Variants in KIAA1328 observed in about 807,000 individuals in gnomAD.
KIAA1328 encodes KIAA1328.
A neutral mutation model predicts 68.1 loss-of-function variants in KIAA1328; 52 were observed. That is an observed-to-expected ratio of 0.76 (90% confidence interval 0.61 to 0.96). The LOEUF (loss-of-function observed/expected upper bound fraction) is 0.96. Ranked by LOEUF, KIAA1328 falls within the 40% of genes least tolerant of loss-of-function variation. The probability of loss-of-function intolerance (pLI) is 0.00; values close to 1 mark genes in which losing one functional copy is unlikely to be tolerated. For synonymous variants in KIAA1328, 232 were observed against 239.4 expected (o/e 0.97, Z 0.28); for missense variants, 641 against 677.6 (o/e 0.95, Z 0.60).
chr18:37,157,916 ATTTGC>A (rs1331542550), intron 7 of KIAA1328, among the ~76,000 whole-genome samples: 1 of 151,552 alleles, frequency 6.6e-6, no homozygotes, highest in African/African-American at 2.4e-5. Flanking sequence ...ATAGAATGAT[ATTTGC>A]TTTCAGTTTT....
chr18:36,946,231 C>T (rs895954582), intron 5 of KIAA1328: 1 of 152,072 alleles, frequency 6.6e-6, no homozygotes, highest in African/African-American at 2.4e-5. Flanking sequence ...TATATGCTTC[C>T]TTCCAAAACA....
intron 4 of KIAA1328, among the ~76,000 whole-genome samples, chr18:36,873,528 G>A (rs72885302): frequency 0.14 from 20,707 of 152,054 alleles, 1,755 homozygotes; most frequent in Admixed American, 0.18. Flanking sequence ...ACTAGATCAA[G>A]GCTATACTTG....
intron 5 of KIAA1328, among the ~76,000 whole-genome samples, chr18:36,907,688 T>C (rs1389256802): frequency 1.3e-5 from 2 of 152,198 alleles, no homozygotes; most frequent in East Asian, 3.8e-4. Flanking sequence ...AATTTTTGCT[T>C]AATGAGAGAC....
intron 6 of KIAA1328, among the ~76,000 whole-genome samples, chr18:36,996,278 A>G (rs1430461916): frequency 6.6e-6 from 1 of 152,148 alleles, no homozygotes; most frequent in Non-Finnish European, 1.5e-5. Flanking sequence ...CTCTTTATAT[A>G]TAGACATGTA....
intron 6 of KIAA1328, among the ~76,000 whole-genome samples, chr18:36,987,507 TAAA>T (rs1382213308): frequency 1.6e-5 from 1 of 61,062 alleles, no homozygotes; most frequent in Non-Finnish European, 4.3e-5. Flanking sequence ...AATAAATAAA[TAAA>T]AATAAAAAAA....
intron 7 of KIAA1328, among the ~76,000 whole-genome samples, chr18:37,105,916 C>CAAAAAAAAAA (rs58940699): frequency 6.7e-4 from 13 of 19,500 alleles, no homozygotes; most frequent in African/African-American, 1.1e-3. Context: ...GACTCTGTGT[C>CAAAAAAAAAA]AAAAAAAAAA....
chr18:36,845,101 T>A (rs1364306251), intron 4 of KIAA1328, among the ~76,000 whole-genome samples: 1 of 151,750 alleles, frequency 6.6e-6, no homozygotes, highest in East Asian at 1.9e-4. Context: ...ATTACCTTAC[T>A]CTAAGTCATA....
At chr18:36,838,156 A>T (rs2046741836) in intron 3 of KIAA1328, among the ~76,000 whole-genome samples, 2 of 152,276 alleles carry the variant, frequency 1.3e-5, no homozygotes, top group Non-Finnish European at 1.5e-5. Context: ...TTGTGAATTG[A>T]TCTTGTATCC....
chr18:36,831,187 A>G (rs1457570719), intron 1 of KIAA1328, among the ~76,000 whole-genome samples: 1 of 152,234 alleles, frequency 6.6e-6, no homozygotes, highest in African/African-American at 2.4e-5. Context: ...TTTTCACACT[A>G]TTGAAAAAAG....
At chr18:37,087,893 A>G (rs1359329034) in intron 7 of KIAA1328, among the ~76,000 whole-genome samples, 2 of 152,038 alleles carry the variant, frequency 1.3e-5, no homozygotes, top group Non-Finnish European at 2.9e-5. Flanking sequence ...CCCTCAATGT[A>G]TTTCAGGCCC....
At chr18:37,116,871 A>T (rs1027790677) in intron 7 of KIAA1328, among the ~76,000 whole-genome samples, 2 of 152,256 alleles carry the variant, frequency 1.3e-5, no homozygotes, top group African/African-American at 4.8e-5. Flanking sequence ...GACACTTCTC[A>T]AAAGAAGACA....
At chr18:37,073,365 C>T (rs748725214) in intron 7 of KIAA1328, among the ~76,000 whole-genome samples, 4 of 152,142 alleles carry the variant, frequency 2.6e-5, no homozygotes, top group Non-Finnish European at 4.4e-5. Flanking sequence ...TGAACAGACA[C>T]TTCTCAAAAG....
chr18:36,931,416 A>C (rs1388571412), intron 5 of KIAA1328, among the ~76,000 whole-genome samples: 1 of 152,056 alleles, frequency 6.6e-6, no homozygotes, highest in East Asian at 1.9e-4. Flanking sequence ...CATGCTCCTT[A>C]GGATAATCTA....
chr18:36,941,877 A>T (rs527489269), intron 5 of KIAA1328, among the ~76,000 whole-genome samples: 3 of 152,292 alleles, frequency 2.0e-5, no homozygotes, highest in Admixed American at 2.0e-4. Flanking sequence ...TGGGAAAAAT[A>T]GGTTTAGAAG....
intron 4 of KIAA1328, among the ~76,000 whole-genome samples, chr18:36,863,182 A>G (rs1317400597): frequency 6.6e-6 from 1 of 151,470 alleles, no homozygotes; most frequent in African/African-American, 2.4e-5. Flanking sequence ...CCAGTTTTTC[A>G]GTGTTTTTTC....
At chr18:36,949,004 T>G (rs1007392084) in intron 5 of KIAA1328, among the ~76,000 whole-genome samples, 2 of 152,188 alleles carry the variant, frequency 1.3e-5, no homozygotes, top group Non-Finnish European at 2.9e-5. Context: ...TTTTCCATAG[T>G]CTATATTGTC....
intron 4 of KIAA1328, among the ~76,000 whole-genome samples, chr18:36,877,883 G>A (rs2048190881): frequency 6.6e-6 from 1 of 151,770 alleles, no homozygotes; most frequent in African/African-American, 2.4e-5. Context: ...TAGCCAGGAT[G>A]GTCTCGATCT....
intron 5 of KIAA1328, among the ~76,000 whole-genome samples, chr18:36,932,696 C>T (rs1461805535): frequency 2.0e-5 from 3 of 152,102 alleles, no homozygotes; most frequent in East Asian, 1.9e-4. Flanking sequence ...AAGAAGTCTC[C>T]AAAACTCTCA....
chr18:36,853,099 C>G (rs1011296642), intron 4 of KIAA1328, among the ~76,000 whole-genome samples: 2 of 152,068 alleles, frequency 1.3e-5, no homozygotes, highest in Admixed American at 6.6e-5. Context: ...GCAAACTAAA[C>G]TGTTTTTTGG....
Sources: gnomAD v4.1 joint callset for allele counts (sites outside exome capture counted in the v4.1 genomes callset) on GRCh38, gnomAD v4.1.1 for gene constraint, MANE v1.5 for transcripts, NCBI Gene and HGNC (gene_info 2026-07-23, HGNC 2026-07-21) for gene names.